Variants in FRMD3 observed in about 807,000 individuals in gnomAD.
The protein encoded by FRMD3 is FERM domain containing 3.
FRMD3 carries 33 observed loss-of-function variants against 70.2 expected under a neutral mutation model. That is an observed-to-expected ratio of 0.47 (90% CI 0.36 to 0.63). FRMD3 has a LOEUF of 0.63. Ranked by LOEUF, FRMD3 falls within the 20% of genes least tolerant of loss-of-function variation. FRMD3 has a pLI of 0.00. For synonymous variants in FRMD3, 279 were observed against 255.9 expected (o/e 1.09, Z -0.86); for missense variants, 632 against 711.4 (o/e 0.89, Z 1.27).
In FRMD3 at chr9:83,389,675, T is replaced by C. The variant is rs1564053809; in HGVS notation, c.181A>G (p.Ile61Val). 3 of 1,613,880 alleles carry C rather than the reference T, an allele frequency of 1.9e-6. No individual in the cohort carries two copies. Among genetic ancestry groups the C allele is most frequent in the East Asian group, 2.2e-5 (1 of 44,874 alleles). The change falls in exon 2 of 14, where the codon ATC becomes GTC. Residue 61 changes from isoleucine to valine, a missense_variant. Transcript: ENST00000304195. ...ETKGQFLIDH[I>V]CNYYSLLEKD... ...TCCAGCAGGCTGTAGTAGTTGCAGA[T>C]GTGGTCAATGAGAAACTGCCCTTTG...
chr9:83,460,067 T>C (rs1827927308), intron 1 of FRMD3, among the ~76,000 whole-genome samples: 1 of 152,218 alleles, frequency 6.6e-6, no homozygotes, highest in Non-Finnish European at 1.5e-5. Context: ...AGGCTCCACA[T>C]TGAGGAGTTA....
intron 1 of FRMD3, among the ~76,000 whole-genome samples, chr9:83,535,939 T>C (rs1206003225): frequency 6.6e-6 from 1 of 152,242 alleles, no homozygotes; most frequent in Non-Finnish European, 1.5e-5. Flanking sequence ...TGTTTTTTAA[T>C]CCTTTTGTTC....
chr9:83,417,026 C>T (rs1040647801), intron 1 of FRMD3, among the ~76,000 whole-genome samples: 3 of 152,174 alleles, frequency 2.0e-5, no homozygotes, highest in African/African-American at 7.2e-5. Flanking sequence ...CCAATGTTCA[C>T]CACGCAAGCA....
chr9:83,430,157 A>G (rs768529300), intron 1 of FRMD3, among the ~76,000 whole-genome samples: 38 of 152,202 alleles, frequency 2.5e-4, no homozygotes, highest in Admixed American at 5.2e-4. Flanking sequence ...TAGTTGAAAC[A>G]ACTTCAAGAG....
At chr9:83,254,121 A>G (rs7024234) in intron 13 of FRMD3, among the ~76,000 whole-genome samples, 95,152 of 145,904 alleles carry the variant, frequency 0.65, 31,509 homozygotes, top group African/African-American at 0.72. Context: ...GTCATGGGGT[A>G]GGGGGAAGGG....
intron 1 of FRMD3, among the ~76,000 whole-genome samples, chr9:83,423,863 T>G (rs1826722375): frequency 6.6e-6 from 1 of 152,096 alleles, no homozygotes; most frequent in South Asian, 2.1e-4. Context: ...CCCAAAGTGC[T>G]GGGATTACAG....
At position 83,254,047 on chromosome 9, in the gene FRMD3, T is replaced by C. The variant is rs182494056; in HGVS notation, c.1196-5531A>G. Among the ~76,000 whole-genome samples, 303 of 146,480 alleles carry C rather than the reference T, an allele frequency of 2.1e-3. 3 individuals are homozygous for C. In the Admixed American group the frequency reaches 0.021, roughly 10 times the overall value. ...ACCAAACACCACATGTTCTCACTCATAGGTGGGAATTGAACAATGAGAACA... is the reference window on the plus strand; with the variant it reads ...ACCAAACACCACATGTTCTCACTCACAGGTGGGAATTGAACAATGAGAACA... On this transcript the variant is annotated intron_variant, in intron 13 of 13. Coordinates refer to ENST00000304195, the MANE Select transcript of FRMD3 (RefSeq NM_174938.6).
At chr9:83,282,972 C>A (rs772116612) in intron 13 of FRMD3, among the ~76,000 whole-genome samples, 1 of 152,062 alleles carries the variant, frequency 6.6e-6, no homozygotes, top group Non-Finnish European at 1.5e-5. Context: ...ATTTCAAAGT[C>A]CCCTTTCAAG....
chr9:83,335,516 C>T lies in FRMD3; in HGVS notation c.596G>A (p.Arg199Lys), dbSNP rs1823546063. ...TCACAAATGTCTACTCAGTAATTAC[C>T]TGAGTTCATTTTTATGAATTTCCAC... ...KIVEIHKNEL[R>K]GQSPPVAEFN... is the part of the protein sequence containing the mutation. Residue 199 changes from arginine to lysine, a missense_variant and splice_region_variant, in exon 6 of 14, where the codon AGG becomes AAG. Transcript: ENST00000304195. 1 of 1,611,200 alleles carries T rather than the reference C, an allele frequency of 6.2e-7. No individual in the cohort carries two copies. The highest frequency in any genetic ancestry group is 8.5e-7 in the Non-Finnish European group (1 of 1,178,106).
intron 1 of FRMD3, among the ~76,000 whole-genome samples, chr9:83,446,393 A>G (rs542064251): frequency 6.6e-6 from 1 of 151,648 alleles, no homozygotes; most frequent in African/African-American, 2.4e-5. Flanking sequence ...CACGCATGTA[A>G]TCCCAGCACT....
At chr9:83,561,469 G>C in the FRMD3 span, among the ~76,000 whole-genome samples, 1 of 152,198 alleles carries the variant, frequency 6.6e-6, no homozygotes, top group Admixed American at 6.5e-5. Context: ...GTATTGGTCA[G>C]AAGTTACTAG....
intron 13 of FRMD3, among the ~76,000 whole-genome samples, chr9:83,275,751 G>C (rs1408067672): frequency 6.6e-6 from 1 of 152,050 alleles, no homozygotes; most frequent in Non-Finnish European, 1.5e-5. Context: ...ATAAAACTAG[G>C]GCCTGAATAC....
chr9:83,245,624 T>C lies in FRMD3; in HGVS notation c.*2294A>G. ...ATACTATCATATTTTTTAAGTATTT[T>C]ACAATGGAAAATATATTAGTTCCAT... On this transcript the variant is annotated 3_prime_UTR_variant, in exon 14 of 14. Transcript: ENST00000304195. 3.7e-6 allele frequency: 3 copies of C among 819,792 alleles called. No homozygotes were observed. The highest frequency in any genetic ancestry group is 4.4e-6 in the Non-Finnish European group (3 of 678,956). 50.8% of individuals were successfully genotyped at this position (819,792 alleles called of 1,614,324 possible). A position where few individuals can be genotyped will look rare whatever the true frequency, so the allele number is the denominator to read the frequency against.
chr9:83,533,347 G>A (rs993828786), intron 1 of FRMD3, among the ~76,000 whole-genome samples: 5 of 152,046 alleles, frequency 3.3e-5, no homozygotes, highest in East Asian at 1.9e-4. Flanking sequence ...GAGATAATAC[G>A]TACACTACCA....
chr9:83,341,437 T>C (rs1314413901), intron 5 of FRMD3, among the ~76,000 whole-genome samples: 4 of 152,128 alleles, frequency 2.6e-5, no homozygotes, highest in Non-Finnish European at 4.4e-5. Context: ...CCTTGGAGAA[T>C]TGATGGTAAT....
chr9:83,433,404 C>T (rs1402557680), intron 1 of FRMD3, among the ~76,000 whole-genome samples: 2 of 152,126 alleles, frequency 1.3e-5, no homozygotes. Flanking sequence ...TATGCCTTGT[C>T]CCTCTCATGT....
chr9:83,558,987 A>C, the FRMD3 span, among the ~76,000 whole-genome samples: 1 of 152,248 alleles, frequency 6.6e-6, no homozygotes, highest in African/African-American at 2.4e-5. Context: ...AACAACAACA[A>C]GAAAGTGGAT....
At chr9:83,399,652 C>G (rs984744621) in intron 1 of FRMD3, among the ~76,000 whole-genome samples, 5 of 152,174 alleles carry the variant, frequency 3.3e-5, no homozygotes, top group African/African-American at 1.2e-4. Flanking sequence ...AGCTAATTAA[C>G]TTATCCAAAG....
At chr9:83,583,677 T>C in the FRMD3 span, among the ~76,000 whole-genome samples, 5 of 152,170 alleles carry the variant, frequency 3.3e-5, no homozygotes, top group African/African-American at 7.2e-5. Flanking sequence ...GGCCCAATCA[T>C]GGCTCACTGC....
Sources: allele counts gnomAD v4.1 joint callset (sites outside exome capture counted in the v4.1 genomes callset), GRCh38; gene constraint gnomAD v4.1.1; transcripts MANE v1.5; gene names NCBI Gene and HGNC (gene_info 2026-07-23, HGNC 2026-07-21).